CDH12: variants seen among roughly 807,000 people sequenced by gnomAD.
CDH12 encodes the protein cadherin-12.
CDH12 carries 41 observed loss-of-function variants against 74.1 expected under a neutral mutation model. The ratio of observed to expected loss-of-function variants is 0.55; its 90% CI spans 0.43 to 0.72. The LOEUF is 0.72. CDH12 is among the 30% of genes least tolerant of loss of function. The probability of loss-of-function intolerance (pLI) is 0.00; values close to 1 mark genes in which losing one functional copy is unlikely to be tolerated. For synonymous variants in CDH12, 399 were observed against 355.0 expected, an observed-to-expected ratio of 1.12 and a Z score of -1.39; for missense variants, 945 against 977.2, an observed-to-expected ratio of 0.97 and a Z score of 0.44.
chr5:22,506,326 A>T (rs1216400911), intron 1 of CDH12, among the ~76,000 whole-genome samples: 1 of 152,124 alleles, frequency 6.6e-6, no homozygotes, highest in Non-Finnish European at 1.5e-5. Context: ...GTATTCATTT[A>T]TTCATTCAGT....
chr5:22,620,675 A>G (rs982255697), intron 1 of CDH12, among the ~76,000 whole-genome samples: 7 of 152,146 alleles, frequency 4.6e-5, no homozygotes, highest in African/African-American at 7.2e-5. Context: ...ATAATAAATG[A>G]TCAAATGCTA....
chr5:22,712,367 A>C (rs2126975945), intron 1 of CDH12, among the ~76,000 whole-genome samples: 1 of 152,164 alleles, frequency 6.6e-6, no homozygotes, highest in South Asian at 2.1e-4. Context: ...TAACTTTATA[A>C]ATTCCTTTTA....
At chr5:22,018,835 G>A (rs193146429) in intron 5 of CDH12, among the ~76,000 whole-genome samples, 14 of 152,222 alleles carry the variant, frequency 9.2e-5, no homozygotes, top group African/African-American at 2.6e-4. Flanking sequence ...ATTTTGGGAC[G>A]CCAAGGCAGG....
chr5:21,992,988 C>A (rs1192872058), intron 5 of CDH12, among the ~76,000 whole-genome samples: 6 of 152,036 alleles, frequency 3.9e-5, no homozygotes, highest in Non-Finnish European at 8.8e-5. Context: ...GAGAGATAGC[C>A]AGGGGTGAAG....
chr5:22,599,917 A>T (rs1580805057), intron 1 of CDH12, among the ~76,000 whole-genome samples: 1 of 152,150 alleles, frequency 6.6e-6, no homozygotes, highest in Admixed American at 6.6e-5. Context: ...TGCTGTGATT[A>T]TTGTGGATTT....
At chr5:22,224,385 C>A (rs1390655333) in intron 3 of CDH12, among the ~76,000 whole-genome samples, 1 of 151,032 alleles carries the variant, frequency 6.6e-6, no homozygotes, top group Non-Finnish European at 1.5e-5. Flanking sequence ...TGACCTCAGG[C>A]AGAAAAGAAT....
intron 3 of CDH12, among the ~76,000 whole-genome samples, chr5:22,331,544 A>AG (rs1256235700): frequency 1.3e-5 from 2 of 152,208 alleles, no homozygotes; most frequent in South Asian, 2.1e-4. Context: ...GAATACCTGG[A>AG]AAGCCTTCCT....
intron 3 of CDH12, among the ~76,000 whole-genome samples, chr5:22,263,091 TC>T (rs1187655284): frequency 2.0e-5 from 3 of 152,022 alleles, no homozygotes; most frequent in African/African-American, 7.2e-5. Flanking sequence ...GAAAAAATGC[TC>T]ATCATCACTG....
chr5:22,416,972 G>A (rs990813689), intron 2 of CDH12, among the ~76,000 whole-genome samples: 2 of 152,178 alleles, frequency 1.3e-5, no homozygotes, highest in South Asian at 4.2e-4. Context: ...GATAATTATG[G>A]ACTACATTTG....
intron 3 of CDH12, among the ~76,000 whole-genome samples, chr5:22,355,821 A>G (rs1381787038): frequency 6.6e-6 from 1 of 152,138 alleles, no homozygotes; most frequent in African/African-American, 2.4e-5. Flanking sequence ...ATACTGAAAC[A>G]CACACATGCA....
chr5:22,270,558 G>T (rs1274362321), intron 3 of CDH12, among the ~76,000 whole-genome samples: 2 of 149,072 alleles, frequency 1.3e-5, no homozygotes, highest in African/African-American at 5.0e-5. Context: ...TGGCACTGTT[G>T]CACTTCTGCC....
intron 5 of CDH12, among the ~76,000 whole-genome samples, chr5:21,999,046 C>T (rs1188296368): frequency 6.6e-6 from 1 of 152,122 alleles, no homozygotes; most frequent in Non-Finnish European, 1.5e-5. Context: ...AGTGCTTCCA[C>T]CATTTACAAT....
At chr5:22,346,038 A>T (rs970709836) in intron 3 of CDH12, among the ~76,000 whole-genome samples, 2 of 148,394 alleles carry the variant, frequency 1.3e-5, no homozygotes, top group African/African-American at 4.9e-5. Context: ...CCCGGGAGGG[A>T]GAGGTTGCAG....
At chr5:22,784,428 T>C (rs559554617) in intron 1 of CDH12, among the ~76,000 whole-genome samples, 7 of 152,286 alleles carry the variant, frequency 4.6e-5, no homozygotes, top group Admixed American at 4.6e-4. Context: ...TTTCTCTACT[T>C]TATATATTTC....
At chr5:21,833,105 T>C (rs1579795512) in intron 8 of CDH12, among the ~76,000 whole-genome samples, 1 of 77,778 alleles carries the variant, frequency 1.3e-5, no homozygotes, top group South Asian at 3.7e-4. Flanking sequence ...TATTATATAT[T>C]ATATAACATA....
chr5:22,767,515 G>C, intron 1 of CDH12, among the ~76,000 whole-genome samples: 1 of 151,708 alleles, frequency 6.6e-6, no homozygotes, highest in East Asian at 1.9e-4. Flanking sequence ...ACTCAACCCA[G>C]TCATAACAGG....
intron 1 of CDH12, among the ~76,000 whole-genome samples, chr5:22,705,625 G>A (rs1742967998): frequency 6.6e-6 from 1 of 151,644 alleles, no homozygotes; most frequent in Non-Finnish European, 1.5e-5. Context: ...ATTTTTGGGA[G>A]GAAAAAATAA....
intron 3 of CDH12, among the ~76,000 whole-genome samples, chr5:22,219,472 A>C (rs1751936717): frequency 6.6e-6 from 1 of 151,666 alleles, no homozygotes; most frequent in South Asian, 2.1e-4. Context: ...CACTCTCAGC[A>C]AAAGTCAATA....
intron 2 of CDH12, among the ~76,000 whole-genome samples, chr5:22,463,052 A>C (rs1428880786): frequency 2.0e-5 from 3 of 152,206 alleles, no homozygotes; most frequent in Non-Finnish European, 4.4e-5. Context: ...AATAAATTAC[A>C]AAAAAGTTAA....
Sources: allele counts gnomAD v4.1 joint callset (sites outside exome capture counted in the v4.1 genomes callset), GRCh38; gene constraint gnomAD v4.1.1; transcripts MANE v1.5; gene names NCBI Gene and HGNC (gene_info 2026-07-23, HGNC 2026-07-21).